Variants in CFAP263 observed in about 807,000 individuals in gnomAD.
CFAP263 encodes the protein cilia and flagella associated protein 263.
the CFAP263 span, chr16:58,250,203 A>G: frequency 3.7e-5 from 27 of 721,672 alleles, no homozygotes; most frequent in Admixed American, 5.7e-4. Flanking sequence ...AGCATGGAGA[A>G]GATCCAAGCC....
At chr16:58,258,107 C>CAAAA in the CFAP263 span, among the ~76,000 whole-genome samples, 2 of 82,308 alleles carry the variant, frequency 2.4e-5, no homozygotes. Context: ...GACTCTGTCT[C>CAAAA]AAAAAAAAAA....
At chr16:58,262,126 G>A in the CFAP263 span, among the ~76,000 whole-genome samples, 5 of 151,366 alleles carry the variant, frequency 3.3e-5, no homozygotes, top group Admixed American at 2.0e-4. Flanking sequence ...ACATCGCACT[G>A]CACCACACTG....
chr16:58,257,721 C>T, the CFAP263 span, among the ~76,000 whole-genome samples: 1 of 151,104 alleles, frequency 6.6e-6, no homozygotes, highest in East Asian at 1.9e-4. Context: ...ACTAATCCAT[C>T]TCTCTAGATG....
the CFAP263 span, among the ~76,000 whole-genome samples, chr16:58,272,827 C>T: frequency 6.7e-6 from 1 of 148,780 alleles, no homozygotes. Context: ...CTAGGCTCAT[C>T]TTAGATATTT....
chr16:58,251,167 A>G, the CFAP263 span, among the ~76,000 whole-genome samples: 3 of 152,182 alleles, frequency 2.0e-5, no homozygotes, highest in African/African-American at 7.2e-5. Flanking sequence ...ATTTACATAT[A>G]TGATCTTATA....
At chr16:58,274,890 G>T in the CFAP263 span, among the ~76,000 whole-genome samples, 1 of 152,212 alleles carries the variant, frequency 6.6e-6, no homozygotes, top group Admixed American at 6.5e-5. Flanking sequence ...CTCTACAAGT[G>T]GGTTGCTGGG....
the CFAP263 span, chr16:58,280,843 A>G: frequency 7.6e-7 from 1 of 1,324,028 alleles, no homozygotes; most frequent in East Asian, 2.3e-5. Flanking sequence ...TGTTTGTTCT[A>G]GAAATGTTTT....
the CFAP263 span, among the ~76,000 whole-genome samples, chr16:58,257,016 T>TCCAAAAATAGTA: frequency 3.5e-5 from 1 of 28,860 alleles, no homozygotes; most frequent in Non-Finnish European, 5.6e-5. Context: ...ATGAATTTCT[T>TCCAAAAATAGTA]TTTTTTTTTT....
chr16:58,265,250 G>A, the CFAP263 span, among the ~76,000 whole-genome samples: 1 of 152,296 alleles, frequency 6.6e-6, no homozygotes, highest in Admixed American at 6.5e-5. Flanking sequence ...TCAATGATTC[G>A]GTTATACTGT....
At chr16:58,278,966 A>G in the CFAP263 span, among the ~76,000 whole-genome samples, 1 of 152,120 alleles carries the variant, frequency 6.6e-6, no homozygotes, top group Non-Finnish European at 1.5e-5. Context: ...TACTTTATAC[A>G]TGGAGAAGTC....
chr16:58,250,067 A>G, the CFAP263 span: 1 of 1,599,676 alleles, frequency 6.3e-7, no homozygotes, highest in Non-Finnish European at 8.5e-7. Flanking sequence ...GAAGGGTCGG[A>G]GCTGGAGCTG....
At chr16:58,260,397 A>G in the CFAP263 span, among the ~76,000 whole-genome samples, 1 of 152,174 alleles carries the variant, frequency 6.6e-6, no homozygotes, top group African/African-American at 2.4e-5. Context: ...CAGAACTGTA[A>G]GATAATAAAT....
the CFAP263 span, among the ~76,000 whole-genome samples, chr16:58,265,858 C>T: frequency 6.6e-6 from 1 of 152,202 alleles, no homozygotes; most frequent in Non-Finnish European, 1.5e-5. Context: ...CCGGCAGAGC[C>T]AGTGATGGCC....
At chr16:58,280,263 C>A in the CFAP263 span, 105 of 1,613,586 alleles carry the variant, frequency 6.5e-5, 1 homozygote, top group Middle Eastern at 3.0e-3. Flanking sequence ...CGAAGGAAAC[C>A]AAGATGATTT....
the CFAP263 span, chr16:58,282,120 T>A: frequency 2.6e-5 from 4 of 151,552 alleles, no homozygotes; most frequent in Non-Finnish European, 4.4e-5. Context: ...GCGATTCTCC[T>A]ACCTCAGCCT....
the CFAP263 span, among the ~76,000 whole-genome samples, chr16:58,255,339 T>C: frequency 6.6e-6 from 1 of 152,306 alleles, no homozygotes; most frequent in Admixed American, 6.5e-5. Flanking sequence ...TGCTTTGCTC[T>C]AGCTGCTCTG....
At chr16:58,253,936 A>G in the CFAP263 span, 16 of 1,588,146 alleles carry the variant, frequency 1.0e-5, no homozygotes, top group Middle Eastern at 1.7e-4. Context: ...TCTGATGCCT[A>G]TCTTGGGCTG....
chr16:58,279,757 G>A, the CFAP263 span: 1 of 1,613,292 alleles, frequency 6.2e-7, no homozygotes, highest in Non-Finnish European at 8.5e-7. Flanking sequence ...GTTGCAGGCA[G>A]ATTACCTTGC....
the CFAP263 span, among the ~76,000 whole-genome samples, chr16:58,277,615 C>G: frequency 9.2e-6 from 1 of 108,362 alleles, no homozygotes; most frequent in African/African-American, 4.5e-5. Flanking sequence ...TTTGTACACC[C>G]ATGTTGACAG....
Sources: gnomAD v4.1 joint callset for allele counts (sites outside exome capture counted in the v4.1 genomes callset) on GRCh38, gnomAD v4.1.1 for gene constraint, MANE v1.5 for transcripts, NCBI Gene and HGNC (gene_info 2026-07-23, HGNC 2026-07-21) for gene names.